SLC6A15: variants seen among roughly 807,000 people sequenced by gnomAD.
The protein encoded by SLC6A15 is sodium-dependent neutral amino acid transporter B(0)AT2.
In SLC6A15, 33 loss-of-function variants were observed where a neutral mutation model predicts 68.5. The observed-to-expected ratio is 0.48, with a 90% CI of 0.37 to 0.64. SLC6A15 has a LOEUF of 0.64. SLC6A15 is among the 30% of genes least tolerant of loss of function. SLC6A15 has a pLI of 0.00. For missense variants in SLC6A15, 747 were observed against 874.3 expected, an observed-to-expected ratio of 0.85 and a Z score of 1.84; for synonymous variants, 347 against 301.0, an observed-to-expected ratio of 1.15 and a Z score of -1.58.
chr12:84,905,550 T>C (rs113137381), intron 1 of SLC6A15, among the ~76,000 whole-genome samples: 6,217 of 152,212 alleles, frequency 0.041, 395 homozygotes, highest in African/African-American at 0.14. Context: ...AAGTTCTAAG[T>C]AGTGGCATAA....
chr12:84,880,314 T>C (rs1871763136), intron 5 of SLC6A15, among the ~76,000 whole-genome samples: 1 of 152,332 alleles, frequency 6.6e-6, no homozygotes, highest in Non-Finnish European at 1.5e-5. Context: ...ATTATTTGCA[T>C]TCACTCATAT....
chr12:84,875,356 G>A (rs1871469888), intron 6 of SLC6A15, among the ~76,000 whole-genome samples: 1 of 151,800 alleles, frequency 6.6e-6, no homozygotes, highest in Admixed American at 6.6e-5. Flanking sequence ...AAGTAGCTGA[G>A]AAAACCAGAC....
chr12:84,881,902 C>A, intron 5 of SLC6A15: 1 of 985,420 alleles, frequency 1.0e-6, no homozygotes. Flanking sequence ...CTACAGCTAG[C>A]TTTCTCCCCA....
At chr12:84,869,354 C>T (rs1324995126) in intron 9 of SLC6A15, among the ~76,000 whole-genome samples, 1 of 149,708 alleles carries the variant, frequency 6.7e-6, no homozygotes, top group Non-Finnish European at 1.5e-5. Context: ...CCCAGCTACT[C>T]GGGAGGCTGA....
Position 84,888,300 on chromosome 12 carries a change from G to T in SLC6A15, c.290-2232C>A, listed in dbSNP as rs1458911880. On this transcript the variant is annotated intron_variant, in intron 2 of 11. Coordinates refer to ENST00000266682, the MANE Select transcript of SLC6A15 (RefSeq NM_182767.6). ...AAGCCAAAAACAAAAACAAAAAAAA[G>T]ACACTTACATGCATATGTTTACAGC... Among the ~76,000 whole-genome samples, 3 of 146,062 alleles carry T rather than the reference G, an allele frequency of 2.1e-5. No homozygotes were observed. In the Admixed American group the frequency reaches 2.1e-4, roughly 10 times the overall value.
At chr12:84,885,393 AT>A (rs770950264) in intron 4 of SLC6A15, 41 bp downstream of exon 4, 18 of 1,526,902 alleles carry the variant, frequency 1.2e-5, no homozygotes, top group African/African-American at 1.4e-5. Context: ...TGCCACTCTT[AT>A]AATGCTTAAA....
At chr12:84,890,603 A>C (rs1043319312) in intron 2 of SLC6A15, among the ~76,000 whole-genome samples, 1 of 152,182 alleles carries the variant, frequency 6.6e-6, no homozygotes, top group Non-Finnish European at 1.5e-5. Context: ...CTTTACCTCT[A>C]AGGCAGATTT....
chr12:84,898,406 G>A (rs1026454932), intron 1 of SLC6A15, among the ~76,000 whole-genome samples: 1 of 152,048 alleles, frequency 6.6e-6, no homozygotes. Context: ...AAGCTCTTCA[G>A]GTTTTCATAT....
intron 10 of SLC6A15, among the ~76,000 whole-genome samples, chr12:84,864,760 C>T (rs1565719225): frequency 6.6e-6 from 1 of 152,116 alleles, no homozygotes; most frequent in Non-Finnish European, 1.5e-5. Context: ...GACCTCATTT[C>T]AGATCACAGT....
At chr12:84,862,687 C>G (rs950108270) in intron 11 of SLC6A15, among the ~76,000 whole-genome samples, 1 of 152,090 alleles carries the variant, frequency 6.6e-6, no homozygotes, top group Non-Finnish European at 1.5e-5. Flanking sequence ...AAAATTATAA[C>G]AGAACTTTAC....
intron 1 of SLC6A15, among the ~76,000 whole-genome samples, chr12:84,907,696 C>T (rs1345609751): frequency 6.6e-6 from 1 of 152,174 alleles, no homozygotes; most frequent in East Asian, 1.9e-4. Flanking sequence ...CAAGTGTTCT[C>T]ATTTATCCCA....
In SLC6A15 at chr12:84,876,603, A is replaced by T; in HGVS notation, c.761T>A (p.Ile254Lys). ...ATATGGAAACAGAGAACTAAAATAT[A>T]TGATCTGCAAAGAAATAAAAATAAA... ...IKGIQSSGKI[I>K]YFSSLFPYVV... Residue 254 changes from isoleucine to lysine, a missense_variant, in exon 6 of 12, where the codon ATA becomes AAA. Physicochemically the swap from Ile to Lys is moderately radical, Grantham distance 102 (BLOSUM62 -3). Coordinates refer to ENST00000266682, the MANE Select transcript of SLC6A15 (RefSeq NM_182767.6). The T allele has an allele frequency of 2.7e-6, 4 of 1,460,846 alleles. No individual in the cohort carries two copies. Among genetic ancestry groups the T allele is most frequent in the Non-Finnish European group, 3.8e-6 (4 of 1,063,424 alleles). The allele number at this position is 1,460,846 out of a possible 1,614,324, so 90.5% of individuals were successfully genotyped here. A position where few individuals can be genotyped will look rare whatever the true frequency, so the allele number is the denominator to read the frequency against.
At position 84,861,703 on chromosome 12, in the gene SLC6A15, G is replaced by A. The variant is rs1235793339; in HGVS notation, c.2122C>T (p.Pro708Ser). The change falls in exon 12 of 12, where the codon CCC becomes TCC. Residue 708 changes from proline to serine, a missense_variant. Coordinates refer to ENST00000266682, the MANE Select transcript of SLC6A15 (RefSeq NM_182767.6). ...TACCCTATTCCATACCGTCCATTGG[G>A]AGCAGTATCCAGAGTTGGGGATCCA... ...QSGSPTLDTA[P>S]NGRYGIGYLM... 1.9e-6 allele frequency: 3 copies of A among 1,613,758 alleles called. No homozygotes were observed. The highest frequency in any genetic ancestry group is 2.5e-6 in the Non-Finnish European group (3 of 1,179,884).
chr12:84,882,772 CAA>C lies in SLC6A15; in HGVS notation c.756+1085_756+1086del, dbSNP rs574590321. On this transcript the variant is annotated intron_variant, in intron 5 of 11. Coordinates refer to ENST00000266682, the MANE Select transcript of SLC6A15 (RefSeq NM_182767.6). ...GGTTCTGAAAATAAAAATTACTTCT[CAA>C]GAGTGGTTTTTATAATTAAATGGGA... The C allele has an allele frequency of 1.0e-3, 182 of 177,858 alleles. 2 individuals are homozygous for C. The highest frequency in any genetic ancestry group is 3.8e-3 in the African/African-American group (159 of 41,970). 11.0% of individuals were successfully genotyped at this position (177,858 alleles called of 1,614,324 possible). A position where few individuals can be genotyped will look rare whatever the true frequency, so the allele number is the denominator to read the frequency against.
intron 2 of SLC6A15, among the ~76,000 whole-genome samples, chr12:84,889,008 C>CT (rs1462453785): frequency 6.6e-6 from 1 of 152,158 alleles, no homozygotes; most frequent in Non-Finnish European, 1.5e-5. Context: ...TCCCTTCTCC[C>CT]TTGAAGATCC....
chr12:84,863,890 T>C (rs1870958217), intron 10 of SLC6A15, among the ~76,000 whole-genome samples: 1 of 151,698 alleles, frequency 6.6e-6, no homozygotes, highest in Non-Finnish European at 1.5e-5. Flanking sequence ...ATTTCTTGTC[T>C]CTTTTTTAGT....
chr12:84,880,822 T>C, intron 5 of SLC6A15: 1 of 753,516 alleles, frequency 1.3e-6, no homozygotes, highest in Non-Finnish European at 1.6e-6. Context: ...CTAAAGTGTT[T>C]AAAAAATCGA....
rs562677565 is a variant in SLC6A15, at chr12:84,870,318, T to C, written c.1495+160A>G. 2.1e-3 allele frequency among the ~76,000 whole-genome samples: 316 copies of C among 150,538 alleles called. 2 individuals carry two copies. The highest frequency in any genetic ancestry group is 2.8e-3 in the Non-Finnish European group (187 of 67,624). On this transcript the variant is annotated intron_variant, in intron 9 of 11. Coordinates refer to ENST00000266682, the MANE Select transcript of SLC6A15 (RefSeq NM_182767.6). Reference sequence around the variant, plus strand: ...TACAATAAAAATTATACAATTAAAATAAAATAAAATAAATTATACAATGTA... The same window carrying C: ...TACAATAAAAATTATACAATTAAAACAAAATAAAATAAATTATACAATGTA...
chr12:84,910,315 A>G (rs1420695440), intron 1 of SLC6A15, among the ~76,000 whole-genome samples: 1 of 152,162 alleles, frequency 6.6e-6, no homozygotes, highest in African/African-American at 2.4e-5. Context: ...ACACAAACTG[A>G]AAGCTTTATT....
Sources: gnomAD v4.1 joint callset for allele counts (sites outside exome capture counted in the v4.1 genomes callset) on GRCh38, gnomAD v4.1.1 for gene constraint, MANE v1.5 for transcripts, NCBI Gene and HGNC (gene_info 2026-07-23, HGNC 2026-07-21) for gene names.